RAB27B: variants seen among roughly 807,000 people sequenced by gnomAD.
RAB27B encodes the protein RAB27B, member RAS oncogene family.
Under a neutral mutation model 24.6 loss-of-function variants are expected in RAB27B, and 15 were observed. That is an observed-to-expected ratio of 0.61 (90% CI 0.41 to 0.94). The LOEUF (loss-of-function observed/expected upper bound fraction) is 0.94, where lower values mean the gene tolerates loss of function less well. Ranked by LOEUF, RAB27B falls within the 40% of genes least tolerant of loss-of-function variation. RAB27B has a pLI of 0.00. For missense variants in RAB27B, 261 were observed against 266.8 expected (o/e 0.98, Z 0.15); for synonymous variants, 105 against 92.5 (o/e 1.14, Z -0.78).
chr18:54,795,219 C>T (rs553980425), intron 2 of RAB27B, among the ~76,000 whole-genome samples: 2 of 152,282 alleles, frequency 1.3e-5, no homozygotes, highest in African/African-American at 4.8e-5. Flanking sequence ...CCACACCCGC[C>T]CTAGACTAGG....
At chr18:54,805,394 T>C (rs1268377083) in intron 2 of RAB27B, among the ~76,000 whole-genome samples, 1 of 152,226 alleles carries the variant, frequency 6.6e-6, no homozygotes, top group Admixed American at 6.5e-5. Flanking sequence ...GACTGTATAA[T>C]GTTAAAACTT....
rs529315813 is a variant in RAB27B at position 54,765,643 on chromosome 18, T to A, written c.-20+47502T>A. 2.6e-5 allele frequency among the ~76,000 whole-genome samples: 4 copies of A among 152,344 alleles called. No homozygotes were observed. In the East Asian group the frequency reaches 7.7e-4, roughly 29 times the overall value. ...TAGGGTTTTGCTTACTTGTTGCATGTCTTGTTTATACCTAATACAATTATA... is the reference window on the plus strand; with the variant it reads ...TAGGGTTTTGCTTACTTGTTGCATGACTTGTTTATACCTAATACAATTATA... On this transcript the variant is annotated intron_variant, in intron 2 of 4. Coordinates refer to the RAB27B transcript ENST00000586570.
chr18:54,795,535 G>T (rs1028352774), intron 2 of RAB27B, among the ~76,000 whole-genome samples: 2 of 152,186 alleles, frequency 1.3e-5, no homozygotes, highest in Non-Finnish European at 2.9e-5. Flanking sequence ...TGAGAAGAGA[G>T]GAAGTAGAGA....
chr18:54,774,565 A>T (rs1436275202), intron 2 of RAB27B, among the ~76,000 whole-genome samples: 1 of 152,230 alleles, frequency 6.6e-6, no homozygotes, highest in Non-Finnish European at 1.5e-5. Flanking sequence ...CCTCATTAAA[A>T]ACTGGCAGTA....
chr18:54,734,683 G>T (rs1281328387), intron 2 of RAB27B, among the ~76,000 whole-genome samples: 3 of 152,222 alleles, frequency 2.0e-5, no homozygotes, highest in African/African-American at 7.2e-5. Flanking sequence ...AATAGCCTAA[G>T]GAAGCCTGGG....
intron 1 of RAB27B, among the ~76,000 whole-genome samples, chr18:54,837,355 A>C (rs1000231851): frequency 2.0e-5 from 3 of 152,120 alleles, no homozygotes; most frequent in African/African-American, 7.2e-5. Context: ...GGAAAGGAGA[A>C]ATTATTATAA....
chr18:54,792,708 C>G (rs1039759106), intron 2 of RAB27B, among the ~76,000 whole-genome samples: 8 of 151,924 alleles, frequency 5.3e-5, no homozygotes, highest in African/African-American at 1.7e-4. Flanking sequence ...GCTCCAGTAC[C>G]TAACAGTCTC....
chr18:54,860,108 C>A (rs576990776), intron 1 of RAB27B, among the ~76,000 whole-genome samples: 1 of 152,200 alleles, frequency 6.6e-6, no homozygotes, highest in South Asian at 2.1e-4. Context: ...TTGTGGCTCC[C>A]TATTATTTGG....
chr18:54,780,255 G>A (rs1389642557), intron 2 of RAB27B, among the ~76,000 whole-genome samples: 5 of 93,520 alleles, frequency 5.3e-5, no homozygotes, highest in Admixed American at 1.6e-4. Context: ...CTATGTCTCC[G>A]CTGTCCTGAT....
rs33940922 is a variant in RAB27B at position 54,819,531 on chromosome 18, C to CAAA, written c.-19-58022_-19-58020dup. ...TGGGCGACAGAACAAGACTCCATCT[C>CAAA]AAAAAAAAAAAAAAAAGAAAAAAAA... On this transcript the variant is annotated intron_variant, in intron 2 of 4. Coordinates refer to the RAB27B transcript ENST00000586570. 2.7e-3 allele frequency among the ~76,000 whole-genome samples: 179 copies of CAAA among 65,112 alleles called. 1 individual carries two copies. Among genetic ancestry groups the CAAA allele is most frequent in the Middle Eastern group, 9.3e-3 (1 of 108 alleles). 42.7% of individuals were successfully genotyped at this position (65,112 alleles called of 152,430 possible). A position where few individuals can be genotyped will look rare whatever the true frequency, so the allele number is the denominator to read the frequency against.
At chr18:54,820,545 A>G (rs966952836) in intron 2 of RAB27B, among the ~76,000 whole-genome samples, 1 of 151,678 alleles carries the variant, frequency 6.6e-6, no homozygotes, top group African/African-American at 2.4e-5. Context: ...GATTGCAAAA[A>G]TTTTCTCCCA....
chr18:54,739,645 A>G (rs930264837), intron 2 of RAB27B, among the ~76,000 whole-genome samples: 2 of 151,592 alleles, frequency 1.3e-5, no homozygotes, highest in African/African-American at 4.8e-5. Context: ...GTGAATACCT[A>G]AGAGTGGAAT....
At chr18:54,760,976 C>T (rs1908167804) in intron 2 of RAB27B, among the ~76,000 whole-genome samples, 3 of 146,330 alleles carry the variant, frequency 2.1e-5, no homozygotes, top group African/African-American at 5.0e-5. Context: ...GGAGGGGCAA[C>T]TGTTAAAGGA....
intron 2 of RAB27B, among the ~76,000 whole-genome samples, chr18:54,792,151 A>G (rs1909268046): frequency 6.6e-6 from 1 of 152,180 alleles, no homozygotes; most frequent in Non-Finnish European, 1.5e-5. Context: ...AGACCCTGTA[A>G]CACATGCCCA....
intron 1 of RAB27B, among the ~76,000 whole-genome samples, chr18:54,835,292 A>AT (rs1049944317): frequency 6.6e-6 from 1 of 151,892 alleles, no homozygotes; most frequent in Non-Finnish European, 1.5e-5. Context: ...TAAGCCTCTA[A>AT]TTTTCTGGAA....
At chr18:54,863,975 C>G (rs1174885819) in intron 1 of RAB27B, among the ~76,000 whole-genome samples, 1 of 152,158 alleles carries the variant, frequency 6.6e-6, no homozygotes, top group Non-Finnish European at 1.5e-5. Context: ...TATGAGCATT[C>G]ATGTACAAAT....
intron 4 of RAB27B, among the ~76,000 whole-genome samples, chr18:54,885,007 A>C (rs1913074339): frequency 6.6e-6 from 1 of 152,128 alleles, no homozygotes; most frequent in Non-Finnish European, 1.5e-5. Context: ...CCATGTAAAG[A>C]CAAATCTCCA....
chr18:54,748,096 G>A (rs1437208378), intron 2 of RAB27B, among the ~76,000 whole-genome samples: 1 of 152,034 alleles, frequency 6.6e-6, no homozygotes, highest in Non-Finnish European at 1.5e-5. Flanking sequence ...AATAGAGTGA[G>A]ACCTTGTCTC....
intron 2 of RAB27B, among the ~76,000 whole-genome samples, chr18:54,780,547 C>T (rs867108955): frequency 3.3e-5 from 5 of 152,250 alleles, no homozygotes; most frequent in South Asian, 2.1e-4. Context: ...TGTGTCCTCG[C>T]GTGGCCTTTT....
Sources: gnomAD v4.1 joint callset for allele counts (sites outside exome capture counted in the v4.1 genomes callset) on GRCh38, gnomAD v4.1.1 for gene constraint, MANE v1.5 for transcripts, NCBI Gene and HGNC (gene_info 2026-07-23, HGNC 2026-07-21) for gene names.